HCN1: variants seen among roughly 807,000 people sequenced by gnomAD.
HCN1 encodes hyperpolarization activated cyclic nucleotide gated potassium channel 1.
HCN1 carries 13 observed loss-of-function variants against 78.9 expected under a neutral mutation model. The ratio of observed to expected loss-of-function variants is 0.16; its 90% CI spans 0.11 to 0.26. HCN1 has a LOEUF of 0.26. Ranked by LOEUF, HCN1 falls within the 10% of genes least tolerant of loss-of-function variation. The pLI is 1.00. For missense variants in HCN1, 810 were observed against 1,154.3 expected (o/e 0.70, Z 4.32); for synonymous variants, 552 against 455.5 (o/e 1.21, Z -2.70).
chr5:45,438,586 T>C (rs1307599592), intron 3 of HCN1, among the ~76,000 whole-genome samples: 1 of 144,086 alleles, frequency 6.9e-6, no homozygotes, highest in Non-Finnish European at 1.5e-5. Flanking sequence ...CGAGACTCCG[T>C]CTCAAAAAAA....
rs1746548916 is a variant in HCN1, at chr5:45,340,273, A to C, written c.1377+12827T>G. ...CACAGAAAATGTTCTTGTTATCTTC[A>C]TTATATATTACCTTGAGAATTTTCT... On this transcript the variant is annotated intron_variant, in intron 5 of 7. Transcript: ENST00000303230. Among the ~76,000 whole-genome samples the C allele has an allele frequency of 4.6e-5, 7 of 152,180 alleles. No individual in the cohort carries two copies. The South Asian group carries it at 1.4e-3, about 32-fold the overall frequency.
Position 45,372,689 on chromosome 5 carries a change from A to G in HCN1, c.1231-19443T>C, listed in dbSNP as rs529590181. Among the ~76,000 whole-genome samples the G allele has an allele frequency of 2.8e-5, 4 of 142,620 alleles. No homozygotes were observed. The South Asian group carries it at 8.7e-4, about 31-fold the overall frequency. The allele number at this position is 142,620 out of a possible 152,430, so 93.6% of individuals were successfully genotyped here. Reference sequence around the variant, plus strand: ...ATATAAAAATATAAAATATTTATATATAAAAATATATACGTATTTATATAT... The same window carrying G: ...ATATAAAAATATAAAATATTTATATGTAAAAATATATACGTATTTATATAT... On this transcript the variant is annotated intron_variant, in intron 4 of 7. Coordinates refer to ENST00000303230, the MANE Select transcript of HCN1 (RefSeq NM_021072.4).
chr5:45,294,301 C>T (rs1283241483), intron 6 of HCN1, among the ~76,000 whole-genome samples: 2 of 151,906 alleles, frequency 1.3e-5, no homozygotes, highest in Non-Finnish European at 2.9e-5. Flanking sequence ...GTATTTTGGT[C>T]ATAAAAATCC....
At chr5:45,304,814 T>G (rs1745695658) in intron 5 of HCN1, among the ~76,000 whole-genome samples, 1 of 152,188 alleles carries the variant, frequency 6.6e-6, no homozygotes, top group African/African-American at 2.4e-5. Context: ...CTGACTTGTT[T>G]GTTTTATTCC....
At chr5:45,388,146 A>G (rs76868142) in intron 4 of HCN1, among the ~76,000 whole-genome samples, 7,709 of 152,144 alleles carry the variant, frequency 0.051, 424 homozygotes, top group East Asian at 0.3. Flanking sequence ...GCCCATTCAA[A>G]ATATATGAAC....
At chr5:45,314,767 G>T (rs1405260671) in intron 5 of HCN1, among the ~76,000 whole-genome samples, 1 of 152,170 alleles carries the variant, frequency 6.6e-6, no homozygotes, top group Non-Finnish European at 1.5e-5. Flanking sequence ...TGCAATCCTA[G>T]TCTCTGATAA....
At chr5:45,427,264 T>C (rs959120476) in intron 3 of HCN1, among the ~76,000 whole-genome samples, 2 of 151,982 alleles carry the variant, frequency 1.3e-5, no homozygotes, top group Non-Finnish European at 2.9e-5. Context: ...TTTTCTACCT[T>C]TAAATGTCAA....
chr5:45,319,157 G>T (rs1746069304), intron 5 of HCN1, among the ~76,000 whole-genome samples: 1 of 151,930 alleles, frequency 6.6e-6, no homozygotes, highest in South Asian at 2.1e-4. Context: ...AAAATTAAAA[G>T]CTGGGAGGAA....
chr5:45,633,155 T>C (rs1279832941), intron 2 of HCN1, among the ~76,000 whole-genome samples: 1 of 151,990 alleles, frequency 6.6e-6, no homozygotes, highest in African/African-American at 2.4e-5. Context: ...AATTAAAATA[T>C]ATTGTTATTT....
intron 2 of HCN1, among the ~76,000 whole-genome samples, chr5:45,497,417 T>A (rs1361345626): frequency 1.3e-5 from 2 of 152,234 alleles, no homozygotes; most frequent in African/African-American, 4.8e-5. Flanking sequence ...TTAGCATAGT[T>A]AGCTCTTCTT....
chr5:45,637,377 T>C (rs1402941938), intron 2 of HCN1, among the ~76,000 whole-genome samples: 1 of 152,046 alleles, frequency 6.6e-6, no homozygotes, highest in Non-Finnish European at 1.5e-5. Context: ...GAATTGAAAT[T>C]CCATTGAGGG....
At chr5:45,362,099 T>A (rs928735354) in intron 4 of HCN1, among the ~76,000 whole-genome samples, 4 of 152,100 alleles carry the variant, frequency 2.6e-5, no homozygotes, top group Non-Finnish European at 5.9e-5. Context: ...CCTTTAGTTT[T>A]CCTGCTCTAA....
intron 2 of HCN1, among the ~76,000 whole-genome samples, chr5:45,584,374 T>C (rs1393144619): frequency 1.3e-5 from 2 of 152,224 alleles, no homozygotes; most frequent in Non-Finnish European, 2.9e-5. Context: ...TTGTTTTCCA[T>C]TGGCTTGGTA....
chr5:45,271,717 C>A (rs1744964674), intron 6 of HCN1, among the ~76,000 whole-genome samples: 2 of 152,194 alleles, frequency 1.3e-5, no homozygotes, highest in South Asian at 2.1e-4. Context: ...ATAATTGAAT[C>A]AAATAGCAAC....
intron 3 of HCN1, among the ~76,000 whole-genome samples, chr5:45,450,277 T>TAAATAAATTAAATA (rs1740891168): frequency 6.6e-6 from 1 of 152,196 alleles, no homozygotes; most frequent in South Asian, 2.1e-4. Flanking sequence ...ACAATGAAAC[T>TAAATAAATTAAATA]GAAGCAAAGT....
chr5:45,523,480 G>A (rs1273659207), intron 2 of HCN1, among the ~76,000 whole-genome samples: 3 of 152,088 alleles, frequency 2.0e-5, no homozygotes, highest in African/African-American at 7.2e-5. Flanking sequence ...CACCAACAGT[G>A]TAAAAGTGTT....
At chr5:45,636,650 C>T (rs1389586420) in intron 2 of HCN1, among the ~76,000 whole-genome samples, 1 of 151,962 alleles carries the variant, frequency 6.6e-6, no homozygotes, top group Non-Finnish European at 1.5e-5. Context: ...GAGTTCCAGA[C>T]CAGCCAGGAC....
At chr5:45,596,878 A>G (rs1744510653) in intron 2 of HCN1, among the ~76,000 whole-genome samples, 1 of 152,214 alleles carries the variant, frequency 6.6e-6, no homozygotes, top group African/African-American at 2.4e-5. Flanking sequence ...ATCTTAAGTG[A>G]AAAGGCAAGG....
At chr5:45,305,041 T>C (rs909431070) in intron 5 of HCN1, among the ~76,000 whole-genome samples, 1 of 152,166 alleles carries the variant, frequency 6.6e-6, no homozygotes, top group Admixed American at 6.5e-5. Flanking sequence ...TACCAATTAG[T>C]TACCCCAAAA....
Sources: allele counts gnomAD v4.1 joint callset (sites outside exome capture counted in the v4.1 genomes callset), GRCh38; gene constraint gnomAD v4.1.1; transcripts MANE v1.5; gene names NCBI Gene and HGNC (gene_info 2026-07-23, HGNC 2026-07-21).